ZNG1A: variants seen among roughly 807,000 people sequenced by gnomAD.
ZNG1A encodes zinc-regulated GTPase metalloprotein activator 1A.
At chr9:121,447 G>A in the ZNG1A span, 1 of 1,604,822 alleles carries the variant, frequency 6.2e-7, no homozygotes, top group South Asian at 1.1e-5. Flanking sequence ...CAATCCTTTT[G>A]ATAAGAAATG....
chr9:146,848 G>C, the ZNG1A span: 10 of 150,186 alleles, frequency 6.7e-5, no homozygotes. Context: ...AAAGACTGGT[G>C]ATTGAGTTAT....
the ZNG1A span, among the ~76,000 whole-genome samples, chr9:168,200 A>G: frequency 0.16 from 20,556 of 127,174 alleles, 1,981 homozygotes; most frequent in East Asian, 0.4. Flanking sequence ...TAGAAGATGT[A>G]GCTAACATCA....
chr9:139,164 T>C, the ZNG1A span, among the ~76,000 whole-genome samples: 1 of 149,624 alleles, frequency 6.7e-6, no homozygotes, highest in African/African-American at 2.5e-5. Flanking sequence ...GTGGTATATG[T>C]AGAAAATGGA....
At chr9:125,383 A>C in the ZNG1A span, among the ~76,000 whole-genome samples, 2 of 145,964 alleles carry the variant, frequency 1.4e-5, no homozygotes, top group African/African-American at 2.6e-5. Flanking sequence ...TCATGTCCTT[A>C]GCCCACTTTT....
At chr9:175,912 A>G in the ZNG1A span, 1 of 1,388,378 alleles carries the variant, frequency 7.2e-7, no homozygotes, top group Non-Finnish European at 9.5e-7. Flanking sequence ...AGCATAGAAT[A>G]TCCTAGAGGA....
chr9:142,164 A>G, the ZNG1A span, among the ~76,000 whole-genome samples: 1 of 148,912 alleles, frequency 6.7e-6, no homozygotes, highest in East Asian at 2.0e-4. Context: ...ATACCCAGGA[A>G]TTGAACTCAG....
At chr9:143,375 C>A in the ZNG1A span, among the ~76,000 whole-genome samples, 6 of 144,404 alleles carry the variant, frequency 4.2e-5, no homozygotes. Flanking sequence ...CCCTGGGATG[C>A]AAGGCTGGTT....
At chr9:133,465 T>C in the ZNG1A span, among the ~76,000 whole-genome samples, 1 of 148,252 alleles carries the variant, frequency 6.7e-6, no homozygotes, top group East Asian at 2.0e-4. Context: ...AATACATTTG[T>C]TTTTTTTAAA....
At chr9:122,477 T>A in the ZNG1A span, 6 of 1,089,676 alleles carry the variant, frequency 5.5e-6, no homozygotes, top group Non-Finnish European at 6.7e-6. Context: ...AGTTGAGAAG[T>A]TAAAGGAGTT....
At chr9:145,579 G>A in the ZNG1A span, among the ~76,000 whole-genome samples, 2 of 148,950 alleles carry the variant, frequency 1.3e-5, no homozygotes, top group Admixed American at 6.7e-5. Context: ...GGATAGCATT[G>A]GGAGATATAA....
the ZNG1A span, among the ~76,000 whole-genome samples, chr9:173,669 T>C: frequency 1.3e-5 from 2 of 152,078 alleles, no homozygotes; most frequent in South Asian, 2.1e-4. Context: ...CTTGAAGGCA[T>C]TTTTTTCTTG....
the ZNG1A span, among the ~76,000 whole-genome samples, chr9:141,202 T>C: frequency 2.2e-5 from 3 of 135,176 alleles, no homozygotes; most frequent in East Asian, 4.7e-4. Context: ...GCCACAAAGA[T>C]ACTCCTCGAG....
the ZNG1A span, among the ~76,000 whole-genome samples, chr9:138,142 T>C: frequency 6.6e-6 from 1 of 152,114 alleles, no homozygotes; most frequent in Non-Finnish European, 1.5e-5. Context: ...TGCTGATTTT[T>C]TCCAGGTACT....
the ZNG1A span, among the ~76,000 whole-genome samples, chr9:130,154 A>G: frequency 4.0e-5 from 6 of 150,866 alleles, 2 homozygotes; most frequent in African/African-American, 1.5e-4. Flanking sequence ...CTTAATAAAC[A>G]TACTCTATTT....
At chr9:141,997 C>T in the ZNG1A span, among the ~76,000 whole-genome samples, 8 of 146,370 alleles carry the variant, frequency 5.5e-5, no homozygotes, top group South Asian at 1.8e-3. Context: ...GCTAACTATC[C>T]TAAATATATA....
the ZNG1A span, among the ~76,000 whole-genome samples, chr9:128,381 T>C: frequency 2.0e-5 from 3 of 151,872 alleles, no homozygotes; most frequent in African/African-American, 7.2e-5. Flanking sequence ...ATTTTCTTAT[T>C]CTTTTTTCTT....
the ZNG1A span, chr9:171,674 C>G: frequency 1.7e-5 from 4 of 240,448 alleles, no homozygotes; most frequent in African/African-American, 7.3e-5. Context: ...GCAAATACTA[C>G]ACCATTTTAT....
chr9:175,673 A>G, the ZNG1A span: 8,480 of 1,539,868 alleles, frequency 5.5e-3, 413 homozygotes, highest in African/African-American at 0.11. Context: ...ATCTTGCAAC[A>G]TGACATTTAT....
chr9:149,222 T>C, the ZNG1A span: 1 of 151,786 alleles, frequency 6.6e-6, no homozygotes, highest in African/African-American at 2.4e-5. Context: ...ATGTTGCTTT[T>C]AAAATCCTTC....
Sources: allele counts gnomAD v4.1 joint callset (sites outside exome capture counted in the v4.1 genomes callset), GRCh38; gene constraint gnomAD v4.1.1; transcripts MANE v1.5; gene names NCBI Gene and HGNC (gene_info 2026-07-23, HGNC 2026-07-21).